Variants in WWOX observed in about 807,000 individuals in gnomAD.
The protein encoded by WWOX is WW domain-containing oxidoreductase.
A neutral mutation model predicts 46.2 loss-of-function variants in WWOX; 69 were observed. The observed-to-expected ratio is 1.49, with a 90% confidence interval of 1.23 to 1.82. The LOEUF is 1.82. Ranked by LOEUF, WWOX falls within the 40% of genes most tolerant of loss-of-function variation. The pLI is 0.00. For synonymous variants in WWOX, 359 were observed against 202.6 expected, an observed-to-expected ratio of 1.77 and a Z score of -6.56; for missense variants, 919 against 542.6, an observed-to-expected ratio of 1.69 and a Z score of -6.89.
At chr16:78,421,932 A>C (rs9936956) in intron 6 of WWOX, among the ~76,000 whole-genome samples, 13,630 of 152,256 alleles carry the variant, frequency 0.09, 918 homozygotes, top group African/African-American at 0.19. Context: ...CATGTTTTCA[A>C]CTTAATATCC....
chr16:79,153,110 G>A (rs545896689), intron 8 of WWOX, among the ~76,000 whole-genome samples: 9 of 152,266 alleles, frequency 5.9e-5, no homozygotes, highest in South Asian at 2.1e-4. Context: ...TTGAGTACAC[G>A]CTCAGGGTCA....
intron 8 of WWOX, among the ~76,000 whole-genome samples, chr16:79,047,378 G>A (rs1000768609): frequency 6.6e-6 from 1 of 152,210 alleles, no homozygotes; most frequent in Non-Finnish European, 1.5e-5. Context: ...GACAAGGCCA[G>A]AAATAGACCA....
intron 4 of WWOX, among the ~76,000 whole-genome samples, chr16:78,118,384 G>C (rs1282762718): frequency 1.3e-5 from 2 of 152,096 alleles, no homozygotes; most frequent in South Asian, 2.1e-4. Context: ...TGAAGTCCTA[G>C]GTTTTATAAT....
At chr16:78,226,562 C>G (rs1204774495) in intron 5 of WWOX, among the ~76,000 whole-genome samples, 5 of 134,970 alleles carry the variant, frequency 3.7e-5, no homozygotes, top group African/African-American at 8.1e-5. Flanking sequence ...TTTTCTTTTC[C>G]TTTCCTTCTT....
intron 5 of WWOX, among the ~76,000 whole-genome samples, chr16:78,247,565 C>T (rs1178887294): frequency 6.6e-6 from 1 of 152,162 alleles, no homozygotes; most frequent in East Asian, 1.9e-4. Flanking sequence ...TCTCTATTTC[C>T]TTCGGATCTG....
At chr16:78,350,423 C>G (rs2081163412) in intron 5 of WWOX, among the ~76,000 whole-genome samples, 1 of 121,328 alleles carries the variant, frequency 8.2e-6, no homozygotes, top group African/African-American at 2.8e-5. Flanking sequence ...AAACCCTTGA[C>G]TGGCATCCTT....
intron 5 of WWOX, among the ~76,000 whole-genome samples, chr16:78,231,243 A>C (rs1382094045): frequency 6.6e-6 from 1 of 152,138 alleles, no homozygotes; most frequent in Non-Finnish European, 1.5e-5. Context: ...AAACTCTTTT[A>C]TGGATTTTAC....
chr16:78,387,618 G>C (rs946853638), intron 6 of WWOX, among the ~76,000 whole-genome samples: 1 of 152,038 alleles, frequency 6.6e-6, no homozygotes, highest in Admixed American at 6.6e-5. Flanking sequence ...CAGACAGGAG[G>C]CCTCAAACCC....
At chr16:79,075,481 C>T (rs956101965) in intron 8 of WWOX, among the ~76,000 whole-genome samples, 4 of 152,002 alleles carry the variant, frequency 2.6e-5, no homozygotes, top group Admixed American at 2.0e-4. Flanking sequence ...TTCATTGTTG[C>T]TTACATGTGT....
intron 8 of WWOX, among the ~76,000 whole-genome samples, chr16:78,761,022 C>T (rs1195667629): frequency 2.0e-5 from 3 of 152,228 alleles, no homozygotes; most frequent in Admixed American, 6.5e-5. Context: ...GACCCTCCCC[C>T]ATGATTCAGT....
chr16:78,944,295 C>G (rs1316159289), intron 8 of WWOX, among the ~76,000 whole-genome samples: 1 of 152,158 alleles, frequency 6.6e-6, no homozygotes, highest in Non-Finnish European at 1.5e-5. Context: ...CTTTCAGCCT[C>G]TACCACATTG....
chr16:79,017,948 C>T (rs764010430), intron 8 of WWOX, among the ~76,000 whole-genome samples: 2 of 151,892 alleles, frequency 1.3e-5, no homozygotes, highest in South Asian at 2.1e-4. Context: ...AAAAAGCAGG[C>T]GAAATAGAAT....
chr16:78,593,589 G>C (rs1019195756), intron 8 of WWOX, among the ~76,000 whole-genome samples: 2 of 152,286 alleles, frequency 1.3e-5, no homozygotes, highest in African/African-American at 2.4e-5. Context: ...GACAGTCCAA[G>C]TCCTTCCGGG....
chr16:78,562,933 C>G (rs775795666), intron 8 of WWOX, among the ~76,000 whole-genome samples: 4 of 152,064 alleles, frequency 2.6e-5, no homozygotes, highest in Non-Finnish European at 5.9e-5. Context: ...CTTGAGCAAA[C>G]TCTTACTCTG....
At chr16:78,616,011 A>G (rs867713335) in intron 8 of WWOX, among the ~76,000 whole-genome samples, 1 of 152,064 alleles carries the variant, frequency 6.6e-6, no homozygotes, top group Non-Finnish European at 1.5e-5. Flanking sequence ...TGGCCTCCCA[A>G]AGTGCTGGGA....
chr16:79,102,876 G>C (rs1014449502), intron 8 of WWOX, among the ~76,000 whole-genome samples: 2 of 152,150 alleles, frequency 1.3e-5, no homozygotes, highest in African/African-American at 4.8e-5. Flanking sequence ...AGAATGTCCT[G>C]TGTACTTGGG....
chr16:78,976,110 G>A (rs1025065728), intron 8 of WWOX, among the ~76,000 whole-genome samples: 5 of 152,170 alleles, frequency 3.3e-5, no homozygotes, highest in African/African-American at 4.8e-5. Context: ...TCAAGCTCAC[G>A]TCTTTGTTGT....
chr16:78,364,491 A>G (rs957734804), intron 5 of WWOX, among the ~76,000 whole-genome samples: 4 of 152,014 alleles, frequency 2.6e-5, no homozygotes, highest in Non-Finnish European at 5.9e-5. Flanking sequence ...TACAGTTATT[A>G]CTTTGTGTCA....
chr16:78,798,095 G>C (rs887608890), intron 8 of WWOX, among the ~76,000 whole-genome samples: 1 of 152,200 alleles, frequency 6.6e-6, no homozygotes, highest in East Asian at 1.9e-4. Flanking sequence ...GGTTCAGAGA[G>C]ATGGGGTAGC....
Sources: gnomAD v4.1 joint callset for allele counts (sites outside exome capture counted in the v4.1 genomes callset) on GRCh38, gnomAD v4.1.1 for gene constraint, MANE v1.5 for transcripts, NCBI Gene and HGNC (gene_info 2026-07-23, HGNC 2026-07-21) for gene names.